LRRC63: variants seen among roughly 807,000 people sequenced by gnomAD.
LRRC63 encodes the protein leucine rich repeat containing 63.
LRRC63 carries 40 observed loss-of-function variants against 49.5 expected under a neutral mutation model. That is an observed-to-expected ratio of 0.81 (90% confidence interval 0.63 to 1.05). The LOEUF is 1.05. LRRC63 is among the 50% of genes least tolerant of loss of function. LRRC63 has a pLI of 0.00. For missense variants in LRRC63, 636 were observed against 663.1 expected (o/e 0.96, Z 0.45); for synonymous variants, 191 against 221.1 (o/e 0.86, Z 1.21).
chr13:46,258,198 T>C (rs1207505223), intron 7 of LRRC63, among the ~76,000 whole-genome samples: 1 of 149,976 alleles, frequency 6.7e-6, no homozygotes, highest in African/African-American at 2.5e-5. Flanking sequence ...GGCACGATCT[T>C]GGCTCACCAC....
intron 2 of LRRC63, among the ~76,000 whole-genome samples, chr13:46,216,407 GGCTC>G (rs2046252450): frequency 1.3e-5 from 2 of 152,108 alleles, no homozygotes; most frequent in African/African-American, 4.8e-5. Context: ...CTTATGATGT[GGCTC>G]TCTGTTTGTC....
intron 5 of LRRC63, among the ~76,000 whole-genome samples, chr13:46,236,708 C>A (rs940273065): frequency 4.6e-5 from 7 of 152,090 alleles, no homozygotes; most frequent in Non-Finnish European, 8.8e-5. Context: ...GAACATTAGA[C>A]AGCAACTCAA....
intron 6 of LRRC63, among the ~76,000 whole-genome samples, chr13:46,249,336 G>A (rs1735007861): frequency 6.6e-6 from 1 of 151,604 alleles, no homozygotes; most frequent in South Asian, 2.1e-4. Flanking sequence ...TTTAAAAACA[G>A]AAGTTATTAC....
At chr13:46,218,066 ATG>A (rs1363329297) in intron 2 of LRRC63, among the ~76,000 whole-genome samples, 2 of 152,202 alleles carry the variant, frequency 1.3e-5, no homozygotes, top group Non-Finnish European at 2.9e-5. Context: ...GCTGAGAAGA[ATG>A]TATATTCTGT....
At chr13:46,257,334 A>G (rs1430547217) in intron 7 of LRRC63, among the ~76,000 whole-genome samples, 11 of 152,180 alleles carry the variant, frequency 7.2e-5, no homozygotes, top group Non-Finnish European at 1.3e-4. Context: ...TGATGCCTTA[A>G]TTTTAGTAGA....
intron 7 of LRRC63, among the ~76,000 whole-genome samples, chr13:46,256,426 A>G (rs2047511705): frequency 6.6e-6 from 1 of 152,254 alleles, no homozygotes; most frequent in Non-Finnish European, 1.5e-5. Context: ...AGACAGAGCC[A>G]GAAGCCAGGA....
In LRRC63 at chr13:46,250,322, C is replaced by T. The variant is rs549479480; in HGVS notation, c.1090-33C>T. ...TAATGATTTGCATACTTTATTATTCCGCTCATGTTTGTTTCTCTTTTCTGT... is the reference window on the plus strand; with the variant it reads ...TAATGATTTGCATACTTTATTATTCTGCTCATGTTTGTTTCTCTTTTCTGT... On this transcript the variant is annotated intron_variant, in intron 6 of 9. Transcript: ENST00000595396. 54 of 1,431,648 alleles carry T rather than the reference C, an allele frequency of 3.8e-5. 1 individual carries two copies. Among genetic ancestry groups the T allele is most frequent in the East Asian group, 3.5e-4 (14 of 39,912 alleles). The allele number at this position is 1,431,648 out of a possible 1,614,324, so 88.7% of individuals were successfully genotyped here. A position where few individuals can be genotyped will look rare whatever the true frequency, so the allele number is the denominator to read the frequency against.
chr13:46,263,091 TTG>T (rs1355222706), intron 8 of LRRC63, among the ~76,000 whole-genome samples: 15 of 152,182 alleles, frequency 9.9e-5, no homozygotes, highest in African/African-American at 3.6e-4. Context: ...TCATTTTACT[TTG>T]TACTTATTAT....
chr13:46,270,812 AGC>A (rs2047747837), intron 9 of LRRC63, among the ~76,000 whole-genome samples: 2 of 152,154 alleles, frequency 1.3e-5, no homozygotes, highest in African/African-American at 4.8e-5. Context: ...ATTTGTCTTC[AGC>A]CTGCCAGATC....
chr13:46,258,124 CTTTTTTTTTTTTT>C (rs61630248), intron 7 of LRRC63, among the ~76,000 whole-genome samples: 1 of 100,582 alleles, frequency 9.9e-6, no homozygotes, highest in Admixed American at 1.1e-4. Context: ...GTGACCTACT[CTTTTTTTTTTTTT>C]TTTTTTTTTG....
chr13:46,225,139 A>G (rs542900934), intron 2 of LRRC63, among the ~76,000 whole-genome samples: 1 of 151,882 alleles, frequency 6.6e-6, no homozygotes, highest in Non-Finnish European at 1.5e-5. Context: ...GTGGTGAATG[A>G]CCCTCTGGGT....
At chr13:46,244,954 C>T (rs1414894197) in intron 5 of LRRC63, among the ~76,000 whole-genome samples, 1 of 152,066 alleles carries the variant, frequency 6.6e-6, no homozygotes, top group East Asian at 1.9e-4. Flanking sequence ...CAATTATTTG[C>T]TATTTACTAG....
At chr13:46,235,140 G>A (rs77308889) in intron 5 of LRRC63, among the ~76,000 whole-genome samples, 9,636 of 152,074 alleles carry the variant, frequency 0.063, 689 homozygotes, top group African/African-American at 0.18. Context: ...GTACAAGCAG[G>A]AAGTAAAGGC....
intron 7 of LRRC63, among the ~76,000 whole-genome samples, chr13:46,256,437 G>A (rs1159695741): frequency 6.6e-6 from 1 of 152,186 alleles, no homozygotes; most frequent in East Asian, 1.9e-4. Context: ...GAAGCCAGGA[G>A]GGCAGAAACT....
intron 4 of LRRC63, among the ~76,000 whole-genome samples, chr13:46,231,488 G>T (rs937801037): frequency 1.3e-5 from 2 of 152,000 alleles, no homozygotes; most frequent in Non-Finnish European, 2.9e-5. Flanking sequence ...AGAGAGTGAA[G>T]GAGAGGTGCC....
chr13:46,240,359 C>G (rs965730622), intron 5 of LRRC63, among the ~76,000 whole-genome samples: 1 of 151,992 alleles, frequency 6.6e-6, no homozygotes, highest in African/African-American at 2.4e-5. Flanking sequence ...TATCTCCTAA[C>G]CTCATGATCC....
At chr13:46,265,067 G>A (rs1372385451) in intron 8 of LRRC63, among the ~76,000 whole-genome samples, 1 of 152,084 alleles carries the variant, frequency 6.6e-6, no homozygotes, top group East Asian at 1.9e-4. Flanking sequence ...GACTGAGTCA[G>A]GAGAATCACT....
intron 8 of LRRC63, among the ~76,000 whole-genome samples, chr13:46,266,516 C>A (rs1484793630): frequency 6.6e-6 from 1 of 152,162 alleles, no homozygotes; most frequent in Non-Finnish European, 1.5e-5. Context: ...GTACTTAAAC[C>A]GTGCTATTCA....
At chr13:46,258,152 G>A (rs1329334349) in intron 7 of LRRC63, among the ~76,000 whole-genome samples, 2 of 137,056 alleles carry the variant, frequency 1.5e-5, no homozygotes, top group Non-Finnish European at 3.1e-5. Context: ...TTTTTGAGAC[G>A]GAGTCTTGTT....
Sources: gnomAD v4.1 joint callset for allele counts (sites outside exome capture counted in the v4.1 genomes callset) on GRCh38, gnomAD v4.1.1 for gene constraint, MANE v1.5 for transcripts, NCBI Gene and HGNC (gene_info 2026-07-23, HGNC 2026-07-21) for gene names.